Variants in DENND5B observed in about 807,000 individuals in gnomAD.
DENND5B encodes DENN domain containing 5B.
Under a neutral mutation model 140.6 loss-of-function variants are expected in DENND5B, and 34 were observed. The ratio of observed to expected loss-of-function variants is 0.24; its 90% CI spans 0.18 to 0.32. The LOEUF (loss-of-function observed/expected upper bound fraction) is 0.32, where lower values mean the gene tolerates loss of function less well. Among genes scored for constraint, DENND5B ranks in the 10% least tolerant of loss-of-function variants. The pLI, the probability that DENND5B is intolerant of heterozygous loss-of-function variation, is 1.00. For synonymous variants in DENND5B, 551 were observed against 562.1 expected (o/e 0.98, Z 0.28); for missense variants, 1,142 against 1,560.2 (o/e 0.73, Z 4.52).
At chr12:31,513,042 G>A (rs186837057) in intron 1 of DENND5B, among the ~76,000 whole-genome samples, 4 of 152,300 alleles carry the variant, frequency 2.6e-5, no homozygotes, top group Non-Finnish European at 4.4e-5. Context: ...TCTTGGCTGT[G>A]ACGGTTTCTC....
chr12:31,547,502 G>A (rs1242780529), intron 1 of DENND5B, among the ~76,000 whole-genome samples: 1 of 151,666 alleles, frequency 6.6e-6, no homozygotes, highest in Non-Finnish European at 1.5e-5. Context: ...GGGTTCAAGC[G>A]ATTCTCCTGC....
chr12:31,477,812 T>C (rs1480760906), intron 3 of DENND5B: 1 of 210,182 alleles, frequency 4.8e-6, no homozygotes, highest in Non-Finnish European at 1.1e-5. Flanking sequence ...CACAAGCATA[T>C]TGCTTCAGTG....
In DENND5B at chr12:31,479,921, C is replaced by G. The variant is rs1254581192; in HGVS notation, c.572G>C (p.Ser191Thr). The G allele has an allele frequency of 2.5e-6, 4 of 1,613,956 alleles. No individual in the cohort carries two copies. Among genetic ancestry groups the G allele is most frequent in the Admixed American group, 3.3e-5 (2 of 60,022 alleles). ...TGGTAACGGTGTGATCAAGCATATACTTTTTGAAACATACAGGGTGTCTCT... is the reference window on the plus strand; with the variant it reads ...TGGTAACGGTGTGATCAAGCATATAGTTTTTGAAACATACAGGGTGTCTCT... ...ISRDTLYVSK[S>T]ICLITPLPFM... Residue 191 changes from serine (S) to threonine (T), a missense_variant, in exon 3 of 21, where the codon AGT becomes ACT. Ser to Thr is a moderately conservative substitution (Grantham distance 58). Transcript: ENST00000389082.
chr12:31,403,154 A>T (rs750743744), intron 14 of DENND5B, among the ~76,000 whole-genome samples: 1 of 152,202 alleles, frequency 6.6e-6, no homozygotes, highest in Non-Finnish European at 1.5e-5. Context: ...TCCCAAGTTT[A>T]CAGAACAATA....
intron 1 of DENND5B, among the ~76,000 whole-genome samples, chr12:31,517,795 G>A (rs1014787183): frequency 2.0e-5 from 3 of 152,158 alleles, no homozygotes. Context: ...ATGAAGGGCT[G>A]GGAAGTGAAG....
chr12:31,393,415 G>T (rs1010259867), intron 17 of DENND5B, among the ~76,000 whole-genome samples: 3 of 152,206 alleles, frequency 2.0e-5, no homozygotes, highest in African/African-American at 7.2e-5. Flanking sequence ...CCTTCTGCCA[G>T]CCAGTACTTG....
chr12:31,433,672 T>A (rs1943617723), intron 7 of DENND5B, among the ~76,000 whole-genome samples: 1 of 152,202 alleles, frequency 6.6e-6, no homozygotes, highest in Non-Finnish European at 1.5e-5. Flanking sequence ...TAATTTAGAA[T>A]TACTTAATTC....
At chr12:31,414,654 C>T (rs1044921969) in intron 12 of DENND5B, among the ~76,000 whole-genome samples, 6 of 151,960 alleles carry the variant, frequency 3.9e-5, no homozygotes, top group Admixed American at 1.3e-4. Context: ...CCATCTCGGC[C>T]GGGCACAGTG....
At chr12:31,577,187 T>C (rs866612825) in intron 1 of DENND5B, among the ~76,000 whole-genome samples, 3 of 152,192 alleles carry the variant, frequency 2.0e-5, no homozygotes, top group African/African-American at 7.2e-5. Flanking sequence ...CACTTCTACA[T>C]TGATGTTTTC....
At chr12:31,526,709 C>T (rs1314252537) in intron 1 of DENND5B, among the ~76,000 whole-genome samples, 1 of 152,028 alleles carries the variant, frequency 6.6e-6, no homozygotes, top group Admixed American at 6.6e-5. Context: ...CCAAATGAAG[C>T]CTGGAGTTTA....
intron 12 of DENND5B, among the ~76,000 whole-genome samples, chr12:31,414,878 C>T (rs376066919): frequency 6.7e-6 from 1 of 149,088 alleles, no homozygotes; most frequent in African/African-American, 2.5e-5. Context: ...GCTGAGATCA[C>T]GACACTGCAC....
intron 1 of DENND5B, chr12:31,589,825 C>G (rs987349054): frequency 1.3e-5 from 2 of 152,152 alleles, no homozygotes; most frequent in African/African-American, 4.8e-5. Flanking sequence ...GTTGTTTCTC[C>G]CCGGCCTCCT....
intron 18 of DENND5B, 24 bp from the exon 19 acceptor site, chr12:31,392,417 C>A: frequency 6.2e-7 from 1 of 1,607,468 alleles, no homozygotes; most frequent in East Asian, 2.2e-5. Context: ...CACACAGTGC[C>A]AAAGAAAAAT....
In DENND5B at chr12:31,452,128, C is replaced by G; in HGVS notation, c.1441G>C (p.Asp481His). Residue 481 changes from aspartate to histidine, a missense_variant, in exon 5 of 21, where the codon GAC becomes CAC. Physicochemically the swap from Asp to His is moderately conservative, Grantham distance 81. Around this residue, in one of 5 missense-constraint regions of DENND5B, gnomAD observed 708 missense variants for 905.5 expected, o/e 0.78. Transcript: ENST00000389082. ...MDLSASLGEKDKDLKLHCEEA... is the reference protein window; with the variant it reads ...MDLSASLGEKHKDLKLHCEEA... ...TCACAATGCAGTTTTAAATCCTTGT[C>G]TTTTTCACCCAGAGAAGCAGAGAGG... 4 of 1,613,984 alleles carry G rather than the reference C, an allele frequency of 2.5e-6. No individual in the cohort carries two copies. The highest frequency in any genetic ancestry group is 3.4e-6 in the Non-Finnish European group (4 of 1,179,882).
intron 1 of DENND5B, among the ~76,000 whole-genome samples, chr12:31,540,059 T>C (rs778949707): frequency 2.6e-5 from 4 of 152,102 alleles, no homozygotes; most frequent in Non-Finnish European, 5.9e-5. Flanking sequence ...TACAAAAATC[T>C]AGCATTTCTA....
chr12:31,441,764 C>T (rs958140815), intron 7 of DENND5B, among the ~76,000 whole-genome samples: 5 of 152,102 alleles, frequency 3.3e-5, no homozygotes, highest in African/African-American at 1.2e-4. Flanking sequence ...TCACGGCTCA[C>T]CGTAGCCTCA....
chr12:31,475,253 T>C (rs1276508000), intron 3 of DENND5B, among the ~76,000 whole-genome samples: 2 of 152,216 alleles, frequency 1.3e-5, no homozygotes, highest in Non-Finnish European at 2.9e-5. Context: ...ATTTACTGTA[T>C]GGCAATTTTT....
chr12:31,399,739 T>C lies in DENND5B; in HGVS notation c.2983A>G (p.Ile995Val), dbSNP rs890438326. 1 of 1,613,814 alleles carries C rather than the reference T, an allele frequency of 6.2e-7. No homozygotes were observed. Among genetic ancestry groups the C allele is most frequent in the Non-Finnish European group, 8.5e-7 (1 of 1,179,948 alleles). ...QNLGKLTTVQ[I>V]GHDNSGLLAK... ...AACAGTCCTGAGTTATCGTGACCAA[T>C]CTGAACAGTGGTCAGCTTCCCCAAG... The change falls in exon 16 of 21, where the codon ATT (isoleucine) becomes GTT (valine). Residue 995 changes from isoleucine to valine, a missense_variant. By Grantham distance (29) the Ile-to-Val change is conservative. Transcript: ENST00000389082.
At chr12:31,544,360 T>C (rs1301224055) in intron 1 of DENND5B, among the ~76,000 whole-genome samples, 1 of 152,182 alleles carries the variant, frequency 6.6e-6, no homozygotes, top group Non-Finnish European at 1.5e-5. Context: ...CAGCTCACTG[T>C]AGCCTCAACC....
Sources: gnomAD v4.1 joint callset for allele counts (sites outside exome capture counted in the v4.1 genomes callset) on GRCh38, gnomAD v4.1.1 for gene constraint, gnomAD v4.1.1 regional missense constraint, MANE v1.5 for transcripts, NCBI Gene and HGNC (gene_info 2026-07-23, HGNC 2026-07-21) for gene names.